CTDSPL: variants seen among roughly 807,000 people sequenced by gnomAD.
CTDSPL encodes the protein CTD small phosphatase like.
CTDSPL carries 8 observed loss-of-function variants against 30.5 expected under a neutral mutation model. The observed-to-expected ratio is 0.26, with a 90% CI of 0.15 to 0.47. The LOEUF (loss-of-function observed/expected upper bound fraction) is 0.47, where lower values mean the gene tolerates loss of function less well. Ranked by LOEUF, CTDSPL falls within the 20% of genes least tolerant of loss-of-function variation. The pLI is 0.99. For missense variants in CTDSPL, 248 were observed against 366.1 expected (o/e 0.68, Z 2.63); for synonymous variants, 110 against 137.9 (o/e 0.80, Z 1.42).
intron 2 of CTDSPL, among the ~76,000 whole-genome samples, chr3:37,950,603 C>G (rs1310474496): frequency 6.6e-6 from 1 of 152,122 alleles, no homozygotes; most frequent in Non-Finnish European, 1.5e-5. Context: ...TGAGAGAGAA[C>G]AGCAGGCATC....
At chr3:37,944,540 TTCAGGAACAAGTGAATGC>T (rs1216213358) in intron 1 of CTDSPL, among the ~76,000 whole-genome samples, 1 of 150,012 alleles carries the variant, frequency 6.7e-6, no homozygotes, top group Admixed American at 6.7e-5. Flanking sequence ...TGGAGCCCTA[TTCAGGAACAAGTGAATGC>T]TGAGGGTGGG....
In CTDSPL at chr3:37,984,222, T is replaced by C. The variant is rs76657333; in HGVS notation, c.*3355T>C. The C allele has an allele frequency of 6.5e-3, 2,979 of 456,678 alleles. 67 individuals carry two copies. In the East Asian group the frequency reaches 0.087, roughly 13 times the overall value. 28.3% of individuals were successfully genotyped at this position (456,678 alleles called of 1,614,324 possible). A position where few individuals can be genotyped will look rare whatever the true frequency, so the allele number is the denominator to read the frequency against. On this transcript the variant is annotated 3_prime_UTR_variant, in exon 8 of 8. Coordinates refer to ENST00000273179, the MANE Select transcript of CTDSPL (RefSeq NM_001008392.2). The stretch of plus-strand genomic sequence containing the variant: ...TCCTACTGTACTGTAACTTTGATCA[T>C]GTCTGTTCCTGTTCCATTCTCCCAG...
At chr3:37,971,104 A>G (rs1282290060) in intron 5 of CTDSPL, among the ~76,000 whole-genome samples, 1 of 152,186 alleles carries the variant, frequency 6.6e-6, no homozygotes, top group Non-Finnish European at 1.5e-5. Context: ...TTACACACAA[A>G]CATGGTACAA....
At chr3:37,969,297 C>G (rs2125632718) in intron 5 of CTDSPL, 1 of 462,288 alleles carries the variant, frequency 2.2e-6, no homozygotes, top group South Asian at 1.6e-5. Flanking sequence ...TCCATCCTGG[C>G]TGTGCTGTGA....
chr3:37,922,535 C>T (rs529536468), intron 1 of CTDSPL, among the ~76,000 whole-genome samples: 2 of 152,224 alleles, frequency 1.3e-5, no homozygotes, highest in Non-Finnish European at 2.9e-5. Flanking sequence ...GGGAGATTCT[C>T]CCTTCTCAGC....
At chr3:37,980,637 G>A (rs1559651050) in intron 7 of CTDSPL, 105 bp from the exon 8 acceptor site, 7 of 1,424,614 alleles carry the variant, frequency 4.9e-6, no homozygotes, top group Admixed American at 2.1e-5. Context: ...GACACCAGTC[G>A]TCCTTACTAA....
At chr3:37,935,817 A>C (rs766463208) in intron 1 of CTDSPL, among the ~76,000 whole-genome samples, 1 of 152,194 alleles carries the variant, frequency 6.6e-6, no homozygotes, top group Non-Finnish European at 1.5e-5. Flanking sequence ...ATCAAAACCT[A>C]CAAGAGTCCC....
chr3:37,976,375 C>T (rs544615505), intron 7 of CTDSPL, among the ~76,000 whole-genome samples: 1 of 152,208 alleles, frequency 6.6e-6, no homozygotes, highest in Non-Finnish European at 1.5e-5. Context: ...TGGTGGCTCA[C>T]ACCTGTAATC....
chr3:37,925,195 G>A (rs1427572344), intron 1 of CTDSPL, among the ~76,000 whole-genome samples: 2 of 152,112 alleles, frequency 1.3e-5, no homozygotes, highest in East Asian at 3.9e-4. Flanking sequence ...GGGAAGCCTT[G>A]TTTGACCCCT....
intron 1 of CTDSPL, among the ~76,000 whole-genome samples, chr3:37,864,859 C>T (rs1697991745): frequency 6.6e-6 from 1 of 151,948 alleles, no homozygotes; most frequent in Non-Finnish European, 1.5e-5. Flanking sequence ...AGGGAAGAAA[C>T]TATTGCTTTT....
intron 1 of CTDSPL, among the ~76,000 whole-genome samples, chr3:37,867,338 A>G (rs1040165912): frequency 2.0e-5 from 3 of 152,102 alleles, no homozygotes; most frequent in East Asian, 3.9e-4. Flanking sequence ...GATATACCAC[A>G]GTTTGTTTAA....
At chr3:37,908,234 C>T (rs905795745) in intron 1 of CTDSPL, among the ~76,000 whole-genome samples, 1 of 152,182 alleles carries the variant, frequency 6.6e-6, no homozygotes, top group Non-Finnish European at 1.5e-5. Flanking sequence ...GCCAAGTGGG[C>T]GAATGTCCAT....
chr3:37,947,687 A>G (rs1699055573), intron 2 of CTDSPL, among the ~76,000 whole-genome samples: 1 of 152,266 alleles, frequency 6.6e-6, no homozygotes, highest in Non-Finnish European at 1.5e-5. Context: ...ACTAAGGATT[A>G]TATTTGATGG....
At chr3:37,914,898 T>A (rs1208584543) in intron 1 of CTDSPL, among the ~76,000 whole-genome samples, 3 of 105,826 alleles carry the variant, frequency 2.8e-5, no homozygotes, top group South Asian at 3.5e-4. Context: ...TTTTTTTTTT[T>A]AGAGAAAGGG....
chr3:37,910,154 C>T (rs1698565360), intron 1 of CTDSPL, among the ~76,000 whole-genome samples: 1 of 152,148 alleles, frequency 6.6e-6, no homozygotes, highest in African/African-American at 2.4e-5. Flanking sequence ...TGTTCTAGGC[C>T]ACATAGTAAC....
Position 37,964,562 on chromosome 3 carries a change from C to A in CTDSPL, c.268-9C>A. ...ATAAATGTAATACTGATTTATTTTT[C>A]CCCTTTAGCCACCAGCTAAGTACCT... is the stretch of plus-strand genomic sequence containing the variant. On this transcript the variant is annotated splice_polypyrimidine_tract_variant and intron_variant, in intron 3 of 7. Coordinates refer to ENST00000273179, the MANE Select transcript of CTDSPL (RefSeq NM_001008392.2). 6.3e-7 allele frequency: 1 copy of A among 1,592,204 alleles called. No homozygotes were observed. The highest frequency in any genetic ancestry group is 8.6e-7 in the Non-Finnish European group (1 of 1,161,656).
At chr3:37,979,122 G>T (rs1010066952) in intron 7 of CTDSPL, among the ~76,000 whole-genome samples, 2 of 152,084 alleles carry the variant, frequency 1.3e-5, no homozygotes, top group Admixed American at 1.3e-4. Flanking sequence ...ATGCAGTTTA[G>T]GAATTTTTAG....
At chr3:37,976,677 T>C (rs1000411553) in intron 7 of CTDSPL, among the ~76,000 whole-genome samples, 2 of 151,118 alleles carry the variant, frequency 1.3e-5, no homozygotes, top group Non-Finnish European at 3.0e-5. Context: ...GGTCTTCAAA[T>C]AAGACTGCCA....
intron 1 of CTDSPL, among the ~76,000 whole-genome samples, chr3:37,863,175 A>G (rs1183318350): frequency 6.6e-6 from 1 of 152,204 alleles, no homozygotes; most frequent in African/African-American, 2.4e-5. Context: ...AGGACTTACA[A>G]GGCCTGGCCC....
Sources: gnomAD v4.1 joint callset for allele counts (sites outside exome capture counted in the v4.1 genomes callset) on GRCh38, gnomAD v4.1.1 for gene constraint, MANE v1.5 for transcripts, NCBI Gene and HGNC (gene_info 2026-07-23, HGNC 2026-07-21) for gene names.